The following PDE10A variants were observed in gnomAD, a reference collection of about 807,000 sequenced individuals.
PDE10A encodes phosphodiesterase 10A.
Under a neutral mutation model 97.7 loss-of-function variants are expected in PDE10A, and 39 were observed. The observed-to-expected ratio is 0.40, with a 90% confidence interval of 0.31 to 0.52. The LOEUF (loss-of-function observed/expected upper bound fraction) is 0.52. Ranked by LOEUF, PDE10A falls within the 20% of genes least tolerant of loss-of-function variation. The pLI is 0.56. For synonymous variants in PDE10A, 371 were observed against 376.8 expected (o/e 0.98, Z 0.18); for missense variants, 731 against 1,047.8 (o/e 0.70, Z 4.17).
intron 2 of PDE10A, among the ~76,000 whole-genome samples, chr6:165,500,567 A>ACCGCGGAAGGCGG (rs57762055): frequency 6.6e-6 from 1 of 152,058 alleles, no homozygotes; most frequent in Non-Finnish European, 1.5e-5. Context: ...GACACAATAC[A>ACCGCGGAAGGCGG]CAGGGACCTC....
At chr6:165,849,235 A>C (rs1419311974) in intron 1 of PDE10A, among the ~76,000 whole-genome samples, 1 of 150,728 alleles carries the variant, frequency 6.6e-6, no homozygotes, top group African/African-American at 2.4e-5. Context: ...TTTATTAAAA[A>C]GATAACACAT....
chr6:165,738,698 T>C (rs1040206249), intron 1 of PDE10A, among the ~76,000 whole-genome samples: 17 of 151,986 alleles, frequency 1.1e-4, no homozygotes, highest in Admixed American at 7.9e-4. Context: ...TTTTAATGAT[T>C]GCCATTCTAA....
chr6:165,976,777 C>A (rs1483404355), intron 1 of PDE10A, among the ~76,000 whole-genome samples: 1 of 152,238 alleles, frequency 6.6e-6, no homozygotes, highest in African/African-American at 2.4e-5. Flanking sequence ...CACACCAGCT[C>A]ACAATAACTG....
intron 2 of PDE10A, among the ~76,000 whole-genome samples, chr6:165,487,415 A>G (rs866962949): frequency 6.6e-6 from 1 of 152,202 alleles, no homozygotes. Context: ...CACTAATTCT[A>G]CATCATGGTG....
chr6:165,332,746 A>G lies in PDE10A; in HGVS notation c.*279T>C, dbSNP rs1781409204. On this transcript the variant is annotated 3_prime_UTR_variant, in exon 22 of 22. Coordinates refer to ENST00000539869, the MANE Select transcript of PDE10A (RefSeq NM_001385079.1). Reference sequence around the variant, plus strand: ...TTTAAGGCCTCAGCAATATTAGCCTATTAGAAAAGGCTGGTTTGCAAGTCA... The same window carrying G: ...TTTAAGGCCTCAGCAATATTAGCCTGTTAGAAAAGGCTGGTTTGCAAGTCA... 1 of 424,670 alleles carries G rather than the reference A, an allele frequency of 2.4e-6. No homozygotes were observed. The highest frequency in any genetic ancestry group is 4.2e-6 in the Non-Finnish European group (1 of 237,572). 26.3% of individuals were successfully genotyped at this position (424,670 alleles called of 1,614,324 possible).
intron 1 of PDE10A, among the ~76,000 whole-genome samples, chr6:165,914,404 C>T (rs991825606): frequency 1.2e-4 from 19 of 152,154 alleles, no homozygotes; most frequent in Admixed American, 7.9e-4. Context: ...TCCAGGGGTT[C>T]GCCTGTGATG....
At chr6:165,809,204 C>T (rs1779214444) in intron 1 of PDE10A, among the ~76,000 whole-genome samples, 1 of 152,220 alleles carries the variant, frequency 6.6e-6, no homozygotes, top group South Asian at 2.1e-4. Context: ...CCCTAAGAGG[C>T]AGAAACACTG....
chr6:165,730,711 C>G (rs150974057), intron 1 of PDE10A, among the ~76,000 whole-genome samples: 3,296 of 147,330 alleles, frequency 0.022, 45 homozygotes, highest in African/African-American at 0.026. Flanking sequence ...CGAGATCATG[C>G]CACTACAATC....
At chr6:165,722,883 TACACAC>T (rs561636367) in intron 1 of PDE10A, among the ~76,000 whole-genome samples, 1 of 149,060 alleles carries the variant, frequency 6.7e-6, no homozygotes, top group Non-Finnish European at 1.5e-5. Flanking sequence ...TATATATATA[TACACAC>T]ACACACACAC....
chr6:165,543,845 TAA>T (rs11324886), intron 1 of PDE10A, among the ~76,000 whole-genome samples: 1,883 of 151,798 alleles, frequency 0.012, 47 homozygotes, highest in African/African-American at 0.043. Flanking sequence ...TTTAAAATGG[TAA>T]AAAAACACCA....
chr6:165,475,865 G>A (rs554972367), intron 3 of PDE10A, among the ~76,000 whole-genome samples: 3 of 152,180 alleles, frequency 2.0e-5, no homozygotes, highest in Admixed American at 1.3e-4. Flanking sequence ...GGATTCCAGC[G>A]CATCAATTTG....
intron 1 of PDE10A, among the ~76,000 whole-genome samples, chr6:165,863,429 C>T (rs1780959400): frequency 6.6e-6 from 1 of 152,156 alleles, no homozygotes; most frequent in Non-Finnish European, 1.5e-5. Context: ...AAGCATTCAA[C>T]CCCTTCTGAC....
At chr6:165,812,098 C>A (rs1779299729) in intron 1 of PDE10A, among the ~76,000 whole-genome samples, 2 of 152,034 alleles carry the variant, frequency 1.3e-5, no homozygotes, top group Admixed American at 6.6e-5. Flanking sequence ...ATGATCTGCC[C>A]ACCTCGGCCT....
At chr6:165,759,049 T>G (rs1793190943) in intron 1 of PDE10A, among the ~76,000 whole-genome samples, 1 of 152,186 alleles carries the variant, frequency 6.6e-6, no homozygotes, top group African/African-American at 2.4e-5. Flanking sequence ...GTGGGTCCAG[T>G]GTCCACATCC....
Position 165,662,487 on chromosome 6 carries a change from G to A in PDE10A, c.325C>T (p.Pro109Ser), listed in dbSNP as rs917882385. The A allele has an allele frequency of 6.7e-6, 1 of 148,720 alleles. No homozygotes were observed. Among genetic ancestry groups the A allele is most frequent in the Non-Finnish European group, 1.5e-5 (1 of 66,788 alleles). 9.2% of individuals were successfully genotyped at this position (148,720 alleles called of 1,614,324 possible). A position where few individuals can be genotyped will look rare whatever the true frequency, so the allele number is the denominator to read the frequency against. The change falls in exon 1 of 22, where the codon CCC (proline) becomes TCC (serine). Residue 109 changes from proline to serine, a missense_variant. Physicochemically the swap from Pro to Ser is moderately conservative, Grantham distance 74. Coordinates refer to ENST00000539869, the MANE Select transcript of PDE10A (RefSeq NM_001385079.1). Reference sequence around the variant, plus strand: ...TAAAAGAAAGATGGAGAGGAGGAGGGGACCCGGGACGAGAAGGCGAGCGCC... The same window carrying A: ...TAAAAGAAAGATGGAGAGGAGGAGGAGACCCGGGACGAGAAGGCGAGCGCC... ...PLALAFSSRV[P>S]SSSPSFFYFW...
At chr6:165,590,300 A>T (rs1331537403) in intron 1 of PDE10A, among the ~76,000 whole-genome samples, 1 of 152,208 alleles carries the variant, frequency 6.6e-6, no homozygotes, top group Non-Finnish European at 1.5e-5. Flanking sequence ...ATTTTAGAGG[A>T]TGGAACTGAC....
intron 1 of PDE10A, among the ~76,000 whole-genome samples, chr6:165,647,375 A>G (rs1789453850): frequency 6.6e-6 from 1 of 152,216 alleles, no homozygotes; most frequent in African/African-American, 2.4e-5. Context: ...CTGCTTTTAG[A>G]CAGGACCGAG....
chr6:165,682,460 C>G (rs2128439710), intron 1 of PDE10A, among the ~76,000 whole-genome samples: 1 of 152,212 alleles, frequency 6.6e-6, no homozygotes, highest in African/African-American at 2.4e-5. Context: ...AAATACTAAC[C>G]CTATACATGA....
chr6:165,513,888 G>GT (rs1376028731), intron 2 of PDE10A, among the ~76,000 whole-genome samples: 2 of 151,998 alleles, frequency 1.3e-5, no homozygotes, highest in East Asian at 3.8e-4. Flanking sequence ...TAGTTTTGTA[G>GT]TTTTTTGTGA....
Sources: allele counts gnomAD v4.1 joint callset (sites outside exome capture counted in the v4.1 genomes callset), GRCh38; gene constraint gnomAD v4.1.1; transcripts MANE v1.5; gene names NCBI Gene and HGNC (gene_info 2026-07-23, HGNC 2026-07-21).